The following ATXN7L1 variants were observed in gnomAD, a reference collection of about 807,000 sequenced individuals.
ATXN7L1 encodes ataxin 7 like 1.
Under a neutral mutation model 70.8 loss-of-function variants are expected in ATXN7L1, and 15 were observed. The observed-to-expected ratio is 0.21, with a 90% confidence interval of 0.14 to 0.33. ATXN7L1 has a LOEUF of 0.33. ATXN7L1 is among the 10% of genes least tolerant of loss of function. The pLI, the probability that ATXN7L1 is intolerant of heterozygous loss-of-function variation, is 1.00. For missense variants in ATXN7L1, 975 were observed against 1,097.1 expected, an observed-to-expected ratio of 0.89 and a Z score of 1.57; for synonymous variants, 440 against 445.1, an observed-to-expected ratio of 0.99 and a Z score of 0.14.
chr7:105,727,746 G>GTGTGTATATATATATATATATATA (rs1333693053), intron 3 of ATXN7L1, among the ~76,000 whole-genome samples: 7 of 55,336 alleles, frequency 1.3e-4, no homozygotes, highest in Non-Finnish European at 1.7e-4. Flanking sequence ...GTGTATGTGT[G>GTGTGTATATATATATATATATATA]TATATATATA....
At chr7:105,821,977 T>G (rs1271690834) in intron 2 of ATXN7L1, among the ~76,000 whole-genome samples, 1 of 152,250 alleles carries the variant, frequency 6.6e-6, no homozygotes, top group African/African-American at 2.4e-5. Flanking sequence ...CCCAGACACC[T>G]TTCAGTGACA....
chr7:105,653,580 TA>T (rs1800176744), intron 4 of ATXN7L1, among the ~76,000 whole-genome samples: 3 of 152,224 alleles, frequency 2.0e-5, no homozygotes, highest in African/African-American at 7.2e-5. Flanking sequence ...AAACAGCTGT[TA>T]AAAGGTCCAG....
At chr7:105,704,452 A>G (rs150143126) in intron 3 of ATXN7L1, among the ~76,000 whole-genome samples, 212 of 152,298 alleles carry the variant, frequency 1.4e-3, no homozygotes, top group African/African-American at 4.6e-3. Context: ...GTACTTCAAA[A>G]AGCAACAAAT....
At chr7:105,700,933 T>C (rs930206564) in intron 3 of ATXN7L1, among the ~76,000 whole-genome samples, 6 of 152,170 alleles carry the variant, frequency 3.9e-5, no homozygotes, top group Non-Finnish European at 7.3e-5. Flanking sequence ...CTGCCTGCCT[T>C]CGTCTCCCAA....
At chr7:105,802,357 C>G (rs1806951683) in intron 2 of ATXN7L1, among the ~76,000 whole-genome samples, 2 of 152,140 alleles carry the variant, frequency 1.3e-5, no homozygotes, top group Admixed American at 1.3e-4. Context: ...AGCTAAGCAT[C>G]AGCCCCCAGT....
chr7:105,760,219 G>C (rs1205143718), intron 3 of ATXN7L1: 1 of 984,704 alleles, frequency 1.0e-6, no homozygotes, highest in East Asian at 1.1e-4. Context: ...TAATGACCCA[G>C]TGTGTCATGC....
At chr7:105,666,502 A>G (rs974307046) in intron 3 of ATXN7L1, among the ~76,000 whole-genome samples, 5 of 152,156 alleles carry the variant, frequency 3.3e-5, no homozygotes, top group Non-Finnish European at 7.4e-5. Context: ...CTGACCTGGG[A>G]GATGCAAGCC....
At chr7:105,697,150 G>GTCATTGATAACATCTTA (rs1410428726) in intron 3 of ATXN7L1, among the ~76,000 whole-genome samples, 2 of 152,210 alleles carry the variant, frequency 1.3e-5, no homozygotes, top group African/African-American at 4.8e-5. Flanking sequence ...GGGCACTATT[G>GTCATTGATAACATCTTA]TCATTGATAA....
chr7:105,788,664 G>C lies in ATXN7L1; in HGVS notation c.295C>G (p.Leu99Val). The C allele has an allele frequency of 6.2e-7, 1 of 1,614,030 alleles. No homozygotes were observed. Among genetic ancestry groups the C allele is most frequent in the Non-Finnish European group, 8.5e-7 (1 of 1,179,914 alleles). ...GHYPAHDDFY[L>V]VVCSACNQVV... ...TGGTTACAGGCACTGCACACTACGA[G>C]ATAGAAGTCGTCATGTGCTGGGTAA... Residue 99 changes from leucine (L) to valine (V), a missense_variant, in exon 3 of 12, where the codon CTC becomes GTC. By Grantham distance (32) the Leu-to-Val change is conservative. Coordinates refer to ENST00000419735, the MANE Select transcript of ATXN7L1 (RefSeq NM_020725.2).
At chr7:105,693,536 CAT>C in intron 3 of ATXN7L1, among the ~76,000 whole-genome samples, 1 of 16,238 alleles carries the variant, frequency 6.2e-5, no homozygotes, top group South Asian at 1.5e-3. Flanking sequence ...TCTAATGCCC[CAT>C]CCATCCATCC....
chr7:105,745,842 T>A (rs1437169406), intron 3 of ATXN7L1, among the ~76,000 whole-genome samples: 1 of 152,224 alleles, frequency 6.6e-6, no homozygotes, highest in Non-Finnish European at 1.5e-5. Flanking sequence ...AACACCTATG[T>A]GTGAATGGGC....
At chr7:105,676,579 C>T (rs965486500) in intron 3 of ATXN7L1, among the ~76,000 whole-genome samples, 7 of 152,154 alleles carry the variant, frequency 4.6e-5, no homozygotes, top group Admixed American at 2.6e-4. Flanking sequence ...GTGGCTCACA[C>T]CTGTAATCCC....
At chr7:105,717,468 C>T (rs961054221) in intron 3 of ATXN7L1, among the ~76,000 whole-genome samples, 7 of 152,044 alleles carry the variant, frequency 4.6e-5, no homozygotes, top group Admixed American at 2.6e-4. Context: ...TACTCTGTAG[C>T]CTATATTGTT....
In ATXN7L1 at chr7:105,605,521, G is replaced by A. The variant is rs370062610; in HGVS notation, c.*2331C>T. 8 of 146,318 alleles carry A rather than the reference G, an allele frequency of 5.5e-5. No individual in the cohort carries two copies. In the East Asian group the frequency reaches 1.6e-3, roughly 30 times the overall value. The allele number at this position is 146,318 out of a possible 1,614,324, so 9.1% of individuals were successfully genotyped here. A position where few individuals can be genotyped will look rare whatever the true frequency, so the allele number is the denominator to read the frequency against. ...TTTATTCCAGCTTCCAATTCAAGATGTAGAGAGCTACAATGTCTAAACCTA... is the reference window on the plus strand; with the variant it reads ...TTTATTCCAGCTTCCAATTCAAGATATAGAGAGCTACAATGTCTAAACCTA... On this transcript the variant is annotated 3_prime_UTR_variant, in exon 12 of 12. Transcript: ENST00000419735.
At chr7:105,642,733 A>C in intron 5 of ATXN7L1, 105 bp downstream of exon 5, 1 of 1,352,050 alleles carries the variant, frequency 7.4e-7, no homozygotes, top group Non-Finnish European at 9.9e-7. Flanking sequence ...CCCCCTTAAA[A>C]TGAAACAGAC....
At chr7:105,720,420 G>A (rs778660845) in intron 3 of ATXN7L1, among the ~76,000 whole-genome samples, 1 of 151,956 alleles carries the variant, frequency 6.6e-6, no homozygotes, top group South Asian at 2.1e-4. Context: ...GCTAGGTACC[G>A]TTCATTCATT....
intron 5 of ATXN7L1, among the ~76,000 whole-genome samples, chr7:105,641,210 C>CT (rs1471887959): frequency 3.3e-5 from 2 of 60,628 alleles, no homozygotes; most frequent in African/African-American, 6.5e-5. Context: ...CTCTCTCTCT[C>CT]TCTCTTTTTT....
At chr7:105,655,641 T>G (rs1481719236) in intron 4 of ATXN7L1, among the ~76,000 whole-genome samples, 1 of 152,182 alleles carries the variant, frequency 6.6e-6, no homozygotes, top group African/African-American at 2.4e-5. Flanking sequence ...TGAGCCTTGG[T>G]CTTGCCCCCA....
At chr7:105,827,406 G>A (rs1463918279) in intron 2 of ATXN7L1, among the ~76,000 whole-genome samples, 1 of 152,178 alleles carries the variant, frequency 6.6e-6, no homozygotes, top group Admixed American at 6.5e-5. Context: ...GAGAATAATA[G>A]CAAATGTTTA....
Sources: gnomAD v4.1 joint callset for allele counts (sites outside exome capture counted in the v4.1 genomes callset) on GRCh38, gnomAD v4.1.1 for gene constraint, MANE v1.5 for transcripts, NCBI Gene and HGNC (gene_info 2026-07-23, HGNC 2026-07-21) for gene names.